Variants in ST6GAL1 observed in about 807,000 individuals in gnomAD.
ST6GAL1 encodes the protein ST6 beta-galactoside alpha-2,6-sialyltransferase 1, also known as beta-galactoside alpha-2,6-sialyltransferase 1.
In ST6GAL1, 20 loss-of-function variants were observed where a neutral mutation model predicts 38.0. The observed-to-expected ratio is 0.53, with a 90% confidence interval of 0.37 to 0.77. ST6GAL1 has a LOEUF of 0.77. Among genes scored for constraint, ST6GAL1 ranks in the 30% least tolerant of loss-of-function variants. The probability of loss-of-function intolerance (pLI) is 0.00; values close to 1 mark genes in which losing one functional copy is unlikely to be tolerated. For synonymous variants in ST6GAL1, 196 were observed against 188.2 expected, an observed-to-expected ratio of 1.04 and a Z score of -0.34; for missense variants, 432 against 496.4, an observed-to-expected ratio of 0.87 and a Z score of 1.23.
intron 1 of ST6GAL1, among the ~76,000 whole-genome samples, chr3:186,932,131 T>A (rs1353458844): frequency 9.4e-6 from 1 of 106,166 alleles, no homozygotes; most frequent in African/African-American, 3.4e-5. Context: ...GGCTGAAGAT[T>A]AACCTGTCCC....
In ST6GAL1 at chr3:187,075,994, A is replaced by G. The variant is rs950787118; in HGVS notation, c.*191A>G. The G allele has an allele frequency of 3.8e-6, 3 of 793,218 alleles. No homozygotes were observed. Among genetic ancestry groups the G allele is most frequent in the African/African-American group, 3.5e-5 (2 of 57,320 alleles). 49.1% of individuals were successfully genotyped at this position (793,218 alleles called of 1,614,324 possible). On this transcript the variant is annotated 3_prime_UTR_variant, in exon 8 of 8. Transcript: ENST00000169298. This position sits in a 1 kb window ranked among gnomAD's most constrained non-coding sequence, Gnocchi z 4.1. Reference sequence around the variant, plus strand: ...GGTCCAGCCTTCCCTGTAGCCAGACAGTTTATGAGCCCAGAGCCTCCTGCC... The same window carrying G: ...GGTCCAGCCTTCCCTGTAGCCAGACGGTTTATGAGCCCAGAGCCTCCTGCC...
intron 2 of ST6GAL1, among the ~76,000 whole-genome samples, chr3:187,030,579 G>T (rs541052964): frequency 6.6e-6 from 1 of 151,982 alleles, no homozygotes; most frequent in African/African-American, 2.4e-5. Flanking sequence ...GATTACAGGC[G>T]CCCGCCACCA....
At chr3:187,045,686 C>T (rs1718269148) in intron 4 of ST6GAL1, among the ~76,000 whole-genome samples, 1 of 152,104 alleles carries the variant, frequency 6.6e-6, no homozygotes, top group African/African-American at 2.4e-5. Flanking sequence ...CTTCAAAGAC[C>T]CCACTCTTGG....
intron 1 of ST6GAL1, among the ~76,000 whole-genome samples, chr3:186,951,091 CAG>C (rs1304463781): frequency 1.3e-5 from 2 of 152,060 alleles, no homozygotes; most frequent in African/African-American, 2.4e-5. Flanking sequence ...TTTTTTGAGA[CAG>C]AGTTTTGTTT....
intron 4 of ST6GAL1, among the ~76,000 whole-genome samples, chr3:187,048,282 C>T (rs1217978108): frequency 6.6e-6 from 1 of 152,128 alleles, no homozygotes; most frequent in Non-Finnish European, 1.5e-5. Flanking sequence ...AAACTTCATA[C>T]CTGGGCCCCC....
chr3:186,984,807 CCTTCCTTCCT>C lies in ST6GAL1; in HGVS notation c.-183+20882_-183+20891del, dbSNP rs1560151161. 7.4e-3 allele frequency among the ~76,000 whole-genome samples: 315 copies of C among 42,402 alleles called. 2 individuals carry two copies. Among genetic ancestry groups the C allele is most frequent in the Non-Finnish European group, 8.6e-3 (184 of 21,284 alleles). The allele number at this position is 42,402 out of a possible 152,430, so 27.8% of individuals were successfully genotyped here. On this transcript the variant is annotated intron_variant, in intron 2 of 7. Transcript: ENST00000169298. ...TCCTCCCTTCCTTCCTTCCTTCCAT[CCTTCCTTCCT>C]TCCTTCCTTCCCTCCCTCCCTCCCT... is the stretch of plus-strand genomic sequence containing the variant.
At position 186,953,810 on chromosome 3, in the gene ST6GAL1, GTTT is replaced by G. The variant is rs36103477; in HGVS notation, c.-324-9961_-324-9959del. Among the ~76,000 whole-genome samples, 24 of 144,432 alleles carry G rather than the reference GTTT, an allele frequency of 1.7e-4. No individual in the cohort carries two copies. In the South Asian group the frequency reaches 1.7e-3, roughly 10 times the overall value. The allele number at this position is 144,432 out of a possible 152,430, so 94.8% of individuals were successfully genotyped here. On this transcript the variant is annotated intron_variant, in intron 1 of 7. Coordinates refer to ENST00000169298, the MANE Select transcript of ST6GAL1 (RefSeq NM_173216.2). ...CATGAAGAAACTGAGACACAGAGAG[GTTT>G]TTTTTTTTTTTTTAATTTTATTTTA... is the stretch of plus-strand genomic sequence containing the variant.
At chr3:187,023,338 T>TGC (rs1491392601) in intron 2 of ST6GAL1, among the ~76,000 whole-genome samples, 87 of 152,324 alleles carry the variant, frequency 5.7e-4, no homozygotes, top group African/African-American at 2.0e-3. Context: ...ATTTATGTTG[T>TGC]TTGACTCTTT....
Position 187,059,463 on chromosome 3 carries a change from T to C in ST6GAL1, c.705+8117T>C, listed in dbSNP as rs191431962. Among the ~76,000 whole-genome samples, 475 of 152,334 alleles carry C rather than the reference T, an allele frequency of 3.1e-3. 6 individuals are homozygous for C. Among genetic ancestry groups the C allele is most frequent in the Non-Finnish European group, 2.2e-3 (150 of 68,034 alleles). ...ACTTCTATATAAGATGCTACCTAAA[T>C]ATCCAGGAGAGATGTTCATTTACTC... On this transcript the variant is annotated intron_variant, in intron 5 of 7. Transcript: ENST00000169298.
intron 2 of ST6GAL1, among the ~76,000 whole-genome samples, chr3:186,989,683 G>T (rs562922996): frequency 6.6e-6 from 1 of 152,306 alleles, no homozygotes; most frequent in East Asian, 1.9e-4. Flanking sequence ...AAAGCTTTGT[G>T]TATTTGACTT....
rs1719487330 is a variant in ST6GAL1, at chr3:187,074,288, T to G, written c.934T>G (p.Ser312Ala). ...GCTATGGGACATTCTTCAAGAAATC[T>G]CCCCAGAAGAGATTCAGCCAAACCC... is the stretch of plus-strand genomic sequence containing the variant. ...WELWDILQEI[S>A]PEEIQPNPPS... The change falls in exon 7 of 8, where the codon TCC becomes GCC. Residue 312 changes from serine to alanine, a missense_variant. Coordinates refer to ENST00000169298, the MANE Select transcript of ST6GAL1 (RefSeq NM_173216.2). 1 of 1,606,138 alleles carries G rather than the reference T, an allele frequency of 6.2e-7. No homozygotes were observed. Among genetic ancestry groups the G allele is most frequent in the Non-Finnish European group, 8.5e-7 (1 of 1,176,500 alleles).
chr3:186,974,270 C>T (rs921665983), intron 2 of ST6GAL1, among the ~76,000 whole-genome samples: 1 of 152,154 alleles, frequency 6.6e-6, no homozygotes, highest in African/African-American at 2.4e-5. Context: ...TTGAGATTAC[C>T]CATATCCAAC....
At position 187,043,132 on chromosome 3, in the gene ST6GAL1, C is replaced by G. The variant is rs377510121; in HGVS notation, c.429C>G (p.His143Gln). 3 of 1,614,262 alleles carry G rather than the reference C, an allele frequency of 1.9e-6. No individual in the cohort carries two copies. Among genetic ancestry groups the G allele is most frequent in the Middle Eastern group, 3.3e-4 (2 of 6,062 alleles). The change falls in exon 4 of 8, where the codon CAC (histidine) becomes CAG (glutamine). Residue 143 changes from histidine to glutamine, a missense_variant. Physicochemically the swap from His to Gln is conservative, Grantham distance 24. Transcript: ENST00000169298. ...IKFSAEALRC[H>Q]LRDHVNVSMV... ...TCAGTGCAGAGGCCCTGCGCTGCCACCTCCGGGACCATGTGAATGTATCCA... is the reference window on the plus strand; with the variant it reads ...TCAGTGCAGAGGCCCTGCGCTGCCAGCTCCGGGACCATGTGAATGTATCCA...
chr3:186,930,611 C>T lies in ST6GAL1; in HGVS notation c.-548C>T, dbSNP rs1373657003. ...CCAGCGGACCCCTCTTTCGAGACTCCCTAGTGGGGTCCCCAGCTCCCGGGC... is the reference window on the plus strand; with the variant it reads ...CCAGCGGACCCCTCTTTCGAGACTCTCTAGTGGGGTCCCCAGCTCCCGGGC... On this transcript the variant is annotated 5_prime_UTR_variant, in exon 1 of 8. Coordinates refer to ENST00000169298, the MANE Select transcript of ST6GAL1 (RefSeq NM_173216.2). The T allele has an allele frequency of 6.5e-6, 1 of 152,766 alleles. No homozygotes were observed. The highest frequency in any genetic ancestry group is 1.5e-5 in the Non-Finnish European group (1 of 68,472). 9.5% of individuals were successfully genotyped at this position (152,766 alleles called of 1,614,324 possible).
At position 187,002,288 on chromosome 3, in the gene ST6GAL1, A is replaced by T. The variant is rs932439606; in HGVS notation, c.-182-36454A>T. ...ATTTCCCTCCCACACTTAGTGTCAA[A>T]CTGTCAGGTTTATGGAAGCTATCAA... On this transcript the variant is annotated intron_variant, in intron 2 of 7. Coordinates refer to ENST00000169298, the MANE Select transcript of ST6GAL1 (RefSeq NM_173216.2). 1.5e-4 allele frequency among the ~76,000 whole-genome samples: 23 copies of T among 152,320 alleles called. 2 individuals carry two copies. In the South Asian group the frequency reaches 4.1e-3, roughly 27 times the overall value.
intron 2 of ST6GAL1, among the ~76,000 whole-genome samples, chr3:187,024,493 TAGAG>T (rs61165191): frequency 0.031 from 2,681 of 85,656 alleles, 37 homozygotes; most frequent in African/African-American, 0.056. Context: ...TATATATATA[TAGAG>T]AGAGAGAGAG....
chr3:186,935,912 G>C (rs1021236536), intron 1 of ST6GAL1, among the ~76,000 whole-genome samples: 2 of 152,004 alleles, frequency 1.3e-5, no homozygotes, highest in African/African-American at 4.8e-5. Context: ...AAAAAACCCA[G>C]AACCTTCACA....
chr3:186,951,273 T>C lies in ST6GAL1; in HGVS notation c.-324-12512T>C, dbSNP rs190789287. 9.2e-5 allele frequency among the ~76,000 whole-genome samples: 14 copies of C among 152,266 alleles called. No individual in the cohort carries two copies. The South Asian group carries it at 1.5e-3, about 16-fold the overall frequency. On this transcript the variant is annotated intron_variant, in intron 1 of 7. Transcript: ENST00000169298. ...GGTTTCACCATGTTGGTCAGGCTGGTCTCGAACTCCTGACCTCAGGCAATC... is the reference window on the plus strand; with the variant it reads ...GGTTTCACCATGTTGGTCAGGCTGGCCTCGAACTCCTGACCTCAGGCAATC...
At chr3:186,999,142 ATCC>A (rs1007360952) in intron 2 of ST6GAL1, among the ~76,000 whole-genome samples, 11 of 152,184 alleles carry the variant, frequency 7.2e-5, no homozygotes, top group African/African-American at 2.7e-4. Flanking sequence ...AGTAAAGGGA[ATCC>A]TCCTTTTTAA....
Sources: gnomAD v4.1 joint callset for allele counts (sites outside exome capture counted in the v4.1 genomes callset) on GRCh38, gnomAD v4.1.1 for gene constraint, Gnocchi (gnomAD v3.1) non-coding constraint, MANE v1.5 for transcripts, NCBI Gene and HGNC (gene_info 2026-07-23, HGNC 2026-07-21) for gene names.